Variants in MYO9A observed in about 807,000 individuals in gnomAD.
MYO9A encodes the protein myosin IXA, also known as unconventional myosin-IXa.
A neutral mutation model predicts 293.3 loss-of-function variants in MYO9A; 103 were observed. That is an observed-to-expected ratio of 0.35 (90% CI 0.30 to 0.41). The LOEUF (loss-of-function observed/expected upper bound fraction) is 0.41, where lower values mean the gene tolerates loss of function less well. MYO9A is among the 10% of genes least tolerant of loss of function. MYO9A has a pLI of 1.00. For missense variants in MYO9A, 2,685 were observed against 3,033.0 expected (o/e 0.89, Z 2.69); for synonymous variants, 1,001 against 1,035.7 (o/e 0.97, Z 0.64).
At chr15:72,056,071 T>C (rs2078709469) in intron 1 of MYO9A, among the ~76,000 whole-genome samples, 1 of 151,950 alleles carries the variant, frequency 6.6e-6, no homozygotes, top group Non-Finnish European at 1.5e-5. Flanking sequence ...CTAATAAAAA[T>C]GTAAAAATTA....
rs2057477624 is a variant in MYO9A, at chr15:71,901,354, G to C, written c.3001-14C>G. 3.1e-6 allele frequency: 5 copies of C among 1,602,376 alleles called. No individual in the cohort carries two copies. Among genetic ancestry groups the C allele is most frequent in the Non-Finnish European group, 4.3e-6 (5 of 1,175,988 alleles). ...CTTTAGAAAGACCTACCAAAAGGAA[G>C]AAAGATGAGGAATGCAGCTTAAGAA... On this transcript the variant is annotated splice_polypyrimidine_tract_variant and intron_variant, in intron 22 of 41. Coordinates refer to ENST00000356056, the MANE Select transcript of MYO9A (RefSeq NM_006901.4).
intron 13 of MYO9A, among the ~76,000 whole-genome samples, chr15:71,965,688 G>A (rs975180154): frequency 5.3e-5 from 8 of 152,092 alleles, no homozygotes; most frequent in South Asian, 2.1e-4. Context: ...GCAGTGAGTC[G>A]AGATCACACC....
intron 1 of MYO9A, among the ~76,000 whole-genome samples, chr15:72,049,549 C>G (rs1364014189): frequency 6.6e-6 from 1 of 152,208 alleles, no homozygotes; most frequent in Non-Finnish European, 1.5e-5. Context: ...GGACCAGTGC[C>G]AGTCCATGGC....
intron 15 of MYO9A, among the ~76,000 whole-genome samples, chr15:71,950,017 A>T (rs1004654789): frequency 6.6e-6 from 1 of 152,080 alleles, no homozygotes; most frequent in Non-Finnish European, 1.5e-5. Flanking sequence ...ATATTTGGTT[A>T]TTTTAAAAAT....
intron 13 of MYO9A, among the ~76,000 whole-genome samples, chr15:71,965,661 C>A (rs1004235340): frequency 6.6e-6 from 1 of 152,152 alleles, no homozygotes; most frequent in Non-Finnish European, 1.5e-5. Context: ...ATCGCTTAAA[C>A]CTGGAGGGCG....
intron 1 of MYO9A, among the ~76,000 whole-genome samples, chr15:72,112,130 T>C (rs1450217743): frequency 6.6e-6 from 1 of 152,074 alleles, no homozygotes; most frequent in Non-Finnish European, 1.5e-5. Flanking sequence ...TACAGTTATA[T>C]ATTCAAAGAG....
intron 32 of MYO9A, among the ~76,000 whole-genome samples, chr15:71,863,773 G>A (rs535829047): frequency 1.6e-4 from 25 of 152,210 alleles, no homozygotes; most frequent in African/African-American, 4.8e-4. Context: ...CTCAAATAAC[G>A]TGTATTGTAC....
chr15:72,067,217 A>G (rs184306788), intron 1 of MYO9A, among the ~76,000 whole-genome samples: 1 of 150,572 alleles, frequency 6.6e-6, no homozygotes, highest in East Asian at 1.9e-4. Context: ...CTGTCTCAAC[A>G]TTATATTTTA....
chr15:72,088,748 T>C (rs2079818432), intron 1 of MYO9A, among the ~76,000 whole-genome samples: 2 of 152,220 alleles, frequency 1.3e-5, no homozygotes, highest in African/African-American at 4.8e-5. Context: ...CCAGTAGTAT[T>C]TTGTTCTGAC....
At chr15:72,086,136 AG>A (rs1369076340) in intron 1 of MYO9A, among the ~76,000 whole-genome samples, 1 of 152,176 alleles carries the variant, frequency 6.6e-6, no homozygotes, top group Non-Finnish European at 1.5e-5. Context: ...GGCAGCACAG[AG>A]GGGTGCACAC....
At chr15:71,892,756 T>A (rs943083567) in intron 26 of MYO9A, 1 of 255,936 alleles carries the variant, frequency 3.9e-6, no homozygotes, top group Non-Finnish European at 7.6e-6. Flanking sequence ...CCAAGTCAAA[T>A]AATCTTAATT....
chr15:71,955,457 A>T (rs2146746898), intron 14 of MYO9A, among the ~76,000 whole-genome samples: 1 of 152,330 alleles, frequency 6.6e-6, no homozygotes, highest in Non-Finnish European at 1.5e-5. Flanking sequence ...CTAAAGAAAT[A>T]ACACAGCATA....
At chr15:72,101,404 G>GCCCCTACTGGGAAGTGAGGAGCC (rs2080312638) in intron 1 of MYO9A, among the ~76,000 whole-genome samples, 1 of 89,488 alleles carries the variant, frequency 1.1e-5, no homozygotes, top group Non-Finnish European at 2.5e-5. Flanking sequence ...CTGCCTGGCC[G>GCCCCTACTGGGAAGTGAGGAGCC]CCCCTACTGG....
chr15:72,044,762 A>T (rs908803816), intron 2 of MYO9A, among the ~76,000 whole-genome samples: 5 of 152,266 alleles, frequency 3.3e-5, no homozygotes, highest in African/African-American at 9.6e-5. Flanking sequence ...TTAAGCTTGC[A>T]GAAATACAAA....
intron 12 of MYO9A, among the ~76,000 whole-genome samples, chr15:71,972,886 G>A (rs758260677): frequency 7.2e-5 from 11 of 151,982 alleles, no homozygotes; most frequent in Non-Finnish European, 1.3e-4. Context: ...TTTAGAGATG[G>A]TTCCAACTCC....
At chr15:71,894,352 G>C (rs901524659) in intron 25 of MYO9A, among the ~76,000 whole-genome samples, 1 of 152,136 alleles carries the variant, frequency 6.6e-6, no homozygotes, top group East Asian at 1.9e-4. Context: ...CGAGGCAGGC[G>C]GATCACCTGA....
At chr15:72,008,104 G>C in intron 7 of MYO9A, 152 bp from the exon 8 acceptor site, 1 of 961,756 alleles carries the variant, frequency 1.0e-6, no homozygotes, top group East Asian at 2.7e-5. Context: ...AAAATTTACT[G>C]AGGGTTTACT....
At chr15:72,087,632 TCTTCCCTCTGTCTACTCTCAGTGC>T (rs1395862460) in intron 1 of MYO9A, among the ~76,000 whole-genome samples, 1 of 152,164 alleles carries the variant, frequency 6.6e-6, no homozygotes, top group African/African-American at 2.4e-5. Context: ...AACATCTGTG[TCTTCCCTCTGTCTACTCTCAGTGC>T]CTTCCCTCTG....
chr15:71,872,192 T>G (rs906956876), intron 32 of MYO9A, among the ~76,000 whole-genome samples: 29 of 152,116 alleles, frequency 1.9e-4, no homozygotes, highest in Non-Finnish European at 1.8e-4. Context: ...AGTCATTTTT[T>G]TTCTTAAGAA....
Sources: allele counts gnomAD v4.1 joint callset (sites outside exome capture counted in the v4.1 genomes callset), GRCh38; gene constraint gnomAD v4.1.1; transcripts MANE v1.5; gene names NCBI Gene and HGNC (gene_info 2026-07-23, HGNC 2026-07-21).